KIF26B: variants seen among roughly 807,000 people sequenced by gnomAD.
KIF26B encodes kinesin-like protein KIF26B.
Under a neutral mutation model 151.2 loss-of-function variants are expected in KIF26B, and 63 were observed. That is an observed-to-expected ratio of 0.42 (90% CI 0.34 to 0.51). The LOEUF (loss-of-function observed/expected upper bound fraction) is 0.51, where lower values mean the gene tolerates loss of function less well. Among genes scored for constraint, KIF26B ranks in the 20% least tolerant of loss-of-function variants. KIF26B has a pLI of 0.07. For missense variants in KIF26B, 2,813 were observed against 2,913.6 expected (o/e 0.97, Z 0.79); for synonymous variants, 1,357 against 1,262.1 (o/e 1.08, Z -1.59).
rs1379044295 is a variant in KIF26B at position 245,687,510 on chromosome 1, C to T, written c.4527C>T (p.Val1509=). 1.9e-6 allele frequency: 3 copies of T among 1,576,794 alleles called. No individual in the cohort carries two copies. The highest frequency in any genetic ancestry group is 2.6e-6 in the Non-Finnish European group (3 of 1,161,684). Residue 1509 remains valine, a synonymous_variant, in exon 12 of 15, where the codon GTC becomes GTT. Transcript: ENST00000407071. The surrounding 1 kb of genome is among the most constrained non-coding windows in gnomAD (Gnocchi z 4.9). ...CGGTCACTGACAACTTCAGGAGGGT[C>T]GTGGATGGGTGTGAGATGGCCCTGC... ...ASPVTDNFRR[V]VDGCEMALPG...
chr1:245,379,668 T>C (rs1266856645), intron 3 of KIF26B, among the ~76,000 whole-genome samples: 2 of 152,016 alleles, frequency 1.3e-5, no homozygotes, highest in African/African-American at 2.4e-5. Flanking sequence ...TTTCGATAAA[T>C]TGGAAAATTG....
intron 4 of KIF26B, among the ~76,000 whole-genome samples, chr1:245,483,612 G>A (rs905551374): frequency 6.6e-6 from 1 of 151,954 alleles, no homozygotes; most frequent in Admixed American, 6.6e-5. Flanking sequence ...CCGCCCAGGT[G>A]CATGTTCCCA....
chr1:245,207,383 C>A (rs1279400652), intron 2 of KIF26B, among the ~76,000 whole-genome samples: 3 of 152,148 alleles, frequency 2.0e-5, no homozygotes, highest in Non-Finnish European at 4.4e-5. Context: ...TTGGACCGCA[C>A]AATCTAAACT....
intron 3 of KIF26B, among the ~76,000 whole-genome samples, chr1:245,385,499 A>G (rs1384319762): frequency 6.6e-6 from 1 of 152,210 alleles, no homozygotes; most frequent in Non-Finnish European, 1.5e-5. Flanking sequence ...GTACTTTTAC[A>G]TTGTAGTACC....
At chr1:245,657,451 A>G (rs939746502) in intron 10 of KIF26B, among the ~76,000 whole-genome samples, 5 of 152,062 alleles carry the variant, frequency 3.3e-5, no homozygotes, top group Non-Finnish European at 7.4e-5. Flanking sequence ...TGAAGACGGG[A>G]TTTTTGTTTT....
At chr1:245,390,943 A>AAAAAACC (rs1553270130) in intron 3 of KIF26B, among the ~76,000 whole-genome samples, 5 of 118,412 alleles carry the variant, frequency 4.2e-5, no homozygotes, top group African/African-American at 1.6e-4. Context: ...AAAAAAAAAA[A>AAAAAACC]AAAAAAAAAC....
intron 5 of KIF26B, 58 bp downstream of exon 5, chr1:245,541,008 T>C: frequency 2.1e-6 from 3 of 1,453,756 alleles, no homozygotes; most frequent in Admixed American, 2.3e-5. Flanking sequence ...GGATCAAGTT[T>C]CAGGAGGAAG....
At chr1:245,618,002 T>A (rs1254875303) in intron 9 of KIF26B, among the ~76,000 whole-genome samples, 2 of 152,028 alleles carry the variant, frequency 1.3e-5, no homozygotes, top group Non-Finnish European at 2.9e-5. Flanking sequence ...ACCCCCTCAG[T>A]GGTCTTTTCA....
At chr1:245,501,094 T>C (rs943710526) in intron 4 of KIF26B, among the ~76,000 whole-genome samples, 2 of 151,334 alleles carry the variant, frequency 1.3e-5, no homozygotes, top group African/African-American at 4.9e-5. Context: ...GTCAGTACCA[T>C]ATTATCCCCA....
chr1:245,519,855 G>T (rs534332283), intron 4 of KIF26B, among the ~76,000 whole-genome samples: 1 of 152,262 alleles, frequency 6.6e-6, no homozygotes, highest in East Asian at 1.9e-4. Context: ...TATATATGTG[G>T]TTCGTCCTTG....
chr1:245,565,124 C>A (rs2042996604), intron 5 of KIF26B, among the ~76,000 whole-genome samples: 1 of 152,192 alleles, frequency 6.6e-6, no homozygotes, highest in South Asian at 2.1e-4. Context: ...CTGAGCGAGA[C>A]CCTCTCTATA....
intron 3 of KIF26B, among the ~76,000 whole-genome samples, chr1:245,407,171 C>T (rs1377995375): frequency 1.3e-5 from 2 of 152,208 alleles, no homozygotes; most frequent in African/African-American, 4.8e-5. Context: ...TTGTGCATTT[C>T]ATCTTCTGGT....
At chr1:245,472,141 T>C (rs1247999699) in intron 4 of KIF26B, among the ~76,000 whole-genome samples, 2 of 152,042 alleles carry the variant, frequency 1.3e-5, no homozygotes, top group Admixed American at 1.3e-4. Flanking sequence ...AGCCAGAAAA[T>C]ACCTGCCAGT....
chr1:245,349,836 T>C (rs986896944), intron 2 of KIF26B, among the ~76,000 whole-genome samples: 1 of 152,212 alleles, frequency 6.6e-6, no homozygotes, highest in Non-Finnish European at 1.5e-5. Context: ...GGAGTTAATA[T>C]TGAGCATATC....
chr1:245,473,577 G>A (rs1459737014), intron 4 of KIF26B, among the ~76,000 whole-genome samples: 1 of 151,772 alleles, frequency 6.6e-6, no homozygotes, highest in African/African-American at 2.4e-5. Context: ...ATGGGGGTTG[G>A]GGGAGAAAGG....
intron 2 of KIF26B, among the ~76,000 whole-genome samples, chr1:245,200,461 G>A (rs940014828): frequency 9.2e-5 from 14 of 152,230 alleles, no homozygotes; most frequent in African/African-American, 3.4e-4. Flanking sequence ...TACAGCAGAT[G>A]CTGTCTGGCA....
intron 2 of KIF26B, among the ~76,000 whole-genome samples, chr1:245,321,727 T>G (rs1256130588): frequency 6.6e-6 from 1 of 152,210 alleles, no homozygotes; most frequent in African/African-American, 2.4e-5. Context: ...GAGATGCTGC[T>G]GATTGAGCCG....
chr1:245,609,150 C>T, intron 7 of KIF26B, 116 bp from the exon 8 acceptor site: 2 of 958,696 alleles, frequency 2.1e-6, no homozygotes, highest in Non-Finnish European at 1.5e-6. Flanking sequence ...TCCTTCTCTT[C>T]CCTTTTCCCC....
At chr1:245,175,938 C>CTATA (rs765310586) in intron 2 of KIF26B, among the ~76,000 whole-genome samples, 2 of 115,990 alleles carry the variant, frequency 1.7e-5, no homozygotes, top group Non-Finnish European at 3.5e-5. Flanking sequence ...ATTTAGATGT[C>CTATA]TATATATATA....
Sources: gnomAD v4.1 joint callset for allele counts (sites outside exome capture counted in the v4.1 genomes callset) on GRCh38, gnomAD v4.1.1 for gene constraint, Gnocchi (gnomAD v3.1) non-coding constraint, MANE v1.5 for transcripts, NCBI Gene and HGNC (gene_info 2026-07-23, HGNC 2026-07-21) for gene names.